The following SPOCK3 variants were observed in gnomAD, a reference collection of about 807,000 sequenced individuals.
SPOCK3 encodes SPARC (osteonectin), cwcv and kazal like domains proteoglycan 3.
A neutral mutation model predicts 56.6 loss-of-function variants in SPOCK3; 30 were observed. The observed-to-expected ratio is 0.53, with a 90% CI of 0.40 to 0.72. SPOCK3 has a LOEUF of 0.72. SPOCK3 is among the 30% of genes least tolerant of loss of function. The pLI is 0.00. For missense variants in SPOCK3, 527 were observed against 530.0 expected (o/e 0.99, Z 0.06); for synonymous variants, 196 against 183.3 (o/e 1.07, Z -0.56).
intron 2 of SPOCK3, among the ~76,000 whole-genome samples, chr4:167,113,857 G>T (rs550186166): frequency 8.5e-5 from 13 of 152,204 alleles, no homozygotes; most frequent in Admixed American, 6.6e-4. Flanking sequence ...CAGCTGCAGT[G>T]CTTTGCTCCT....
chr4:166,774,923 T>G (rs950819853), intron 7 of SPOCK3, among the ~76,000 whole-genome samples: 1 of 152,220 alleles, frequency 6.6e-6, no homozygotes, highest in Non-Finnish European at 1.5e-5. Context: ...ACAGTTTAAG[T>G]GCAACTTGCT....
intron 4 of SPOCK3, among the ~76,000 whole-genome samples, chr4:166,916,932 C>G (rs931368547): frequency 6.6e-6 from 1 of 152,030 alleles, no homozygotes; most frequent in Admixed American, 6.6e-5. Context: ...TTAGTGTTAA[C>G]AAGTGAAGCA....
intron 2 of SPOCK3, among the ~76,000 whole-genome samples, chr4:167,123,041 GTGT>G (rs1387408373): frequency 2.0e-5 from 3 of 151,732 alleles, no homozygotes; most frequent in African/African-American, 7.3e-5. Flanking sequence ...AGTAACACTA[GTGT>G]TGTGAAAGGG....
At chr4:166,842,932 G>C (rs779394444) in intron 6 of SPOCK3, among the ~76,000 whole-genome samples, 1 of 152,206 alleles carries the variant, frequency 6.6e-6, no homozygotes, top group South Asian at 2.1e-4. Context: ...GGACCCCACA[G>C]TCAGGCATGG....
intron 2 of SPOCK3, among the ~76,000 whole-genome samples, chr4:167,105,920 T>C (rs143636322): frequency 1.9e-3 from 295 of 152,026 alleles, no homozygotes; most frequent in African/African-American, 6.6e-3. Flanking sequence ...AGTGGTCAAT[T>C]CAGCAAGAGG....
intron 3 of SPOCK3, among the ~76,000 whole-genome samples, chr4:167,060,655 C>T (rs1012776572): frequency 2.0e-5 from 3 of 151,992 alleles, no homozygotes; most frequent in Admixed American, 6.6e-5. Context: ...AGAAATAAAG[C>T]TTTGTTCAAG....
intron 2 of SPOCK3, among the ~76,000 whole-genome samples, chr4:167,067,203 T>C (rs921409361): frequency 6.6e-6 from 1 of 151,856 alleles, no homozygotes; most frequent in East Asian, 1.9e-4. Context: ...CCAGTGGCTA[T>C]GAAGAGTGGT....
intron 2 of SPOCK3, among the ~76,000 whole-genome samples, chr4:167,107,135 C>T (rs982813945): frequency 6.6e-6 from 1 of 151,908 alleles, no homozygotes; most frequent in Non-Finnish European, 1.5e-5. Flanking sequence ...AAAAGGAATA[C>T]TTCCAAATTC....
At chr4:166,992,568 G>C (rs1747914765) in intron 4 of SPOCK3, among the ~76,000 whole-genome samples, 1 of 152,104 alleles carries the variant, frequency 6.6e-6, no homozygotes, top group African/African-American at 2.4e-5. Context: ...CTACATATTT[G>C]TGTAAATACA....
intron 2 of SPOCK3, among the ~76,000 whole-genome samples, chr4:167,149,034 C>T (rs1415922430): frequency 6.6e-6 from 1 of 152,020 alleles, no homozygotes; most frequent in African/African-American, 2.4e-5. Flanking sequence ...AAAATTTGGA[C>T]ATGTCTCTTG....
chr4:167,076,705 C>A (rs1208655262), intron 2 of SPOCK3, among the ~76,000 whole-genome samples: 1 of 151,684 alleles, frequency 6.6e-6, no homozygotes, highest in Non-Finnish European at 1.5e-5. Context: ...GTACAAACTG[C>A]CTATTTTCTT....
At chr4:166,962,060 CAG>C (rs1744202012) in intron 4 of SPOCK3, among the ~76,000 whole-genome samples, 1 of 152,108 alleles carries the variant, frequency 6.6e-6, no homozygotes, top group Non-Finnish European at 1.5e-5. Context: ...TCAAAGAAGG[CAG>C]AGTCTTTCTC....
At chr4:166,908,452 G>A (rs933974078) in intron 5 of SPOCK3, among the ~76,000 whole-genome samples, 1 of 145,394 alleles carries the variant, frequency 6.9e-6, no homozygotes, top group African/African-American at 2.6e-5. Flanking sequence ...AATTTAAGTA[G>A]CATCTCTACA....
chr4:167,200,625 G>C (rs1177290525), intron 2 of SPOCK3, among the ~76,000 whole-genome samples: 1 of 151,938 alleles, frequency 6.6e-6, no homozygotes, highest in Non-Finnish European at 1.5e-5. Context: ...AGATACTAAG[G>C]AGCAAGAGAA....
At chr4:167,038,479 G>A (rs987073607) in intron 3 of SPOCK3, among the ~76,000 whole-genome samples, 1 of 151,800 alleles carries the variant, frequency 6.6e-6, no homozygotes, top group Non-Finnish European at 1.5e-5. Flanking sequence ...TCTCATTCCC[G>A]TGATTCACTC....
At chr4:167,133,100 G>A (rs1762830959) in intron 2 of SPOCK3, among the ~76,000 whole-genome samples, 1 of 152,104 alleles carries the variant, frequency 6.6e-6, no homozygotes, top group South Asian at 2.1e-4. Context: ...CTAATTCCAG[G>A]AATATGTTAT....
At chr4:167,062,396 T>G (rs2150246888) in intron 3 of SPOCK3, 96 bp downstream of exon 3, 1 of 886,948 alleles carries the variant, frequency 1.1e-6, no homozygotes, top group South Asian at 2.0e-5. Context: ...TTCTATTTAG[T>G]ATTTTCAAGC....
At position 166,961,120 on chromosome 4, in the gene SPOCK3, A is replaced by G. The variant is rs568340176; in HGVS notation, c.350+39229T>C. ...TAATCATACAATAAAAGAAGAAAAC[A>G]TTTTAAAAAACTGTCAACCTTGGCG... is the stretch of plus-strand genomic sequence containing the variant. On this transcript the variant is annotated intron_variant, in intron 4 of 10. Transcript: ENST00000357545. Among the ~76,000 whole-genome samples the G allele has an allele frequency of 3.9e-5, 6 of 152,318 alleles. No homozygotes were observed. The East Asian group carries it at 1.2e-3, about 29-fold the overall frequency.
At chr4:167,159,885 G>GT (rs1765135937) in intron 2 of SPOCK3, among the ~76,000 whole-genome samples, 1 of 152,072 alleles carries the variant, frequency 6.6e-6, no homozygotes, top group Admixed American at 6.6e-5. Context: ...TTGATGAGAT[G>GT]TATCTCAAAA....
Sources: gnomAD v4.1 joint callset for allele counts (sites outside exome capture counted in the v4.1 genomes callset) on GRCh38, gnomAD v4.1.1 for gene constraint, MANE v1.5 for transcripts, NCBI Gene and HGNC (gene_info 2026-07-23, HGNC 2026-07-21) for gene names.